JAM2: variants seen among roughly 807,000 people sequenced by gnomAD.
JAM2 encodes the protein junctional adhesion molecule B.
A neutral mutation model predicts 42.0 loss-of-function variants in JAM2; 17 were observed. The observed-to-expected ratio is 0.40, with a 90% CI of 0.28 to 0.61. The LOEUF (loss-of-function observed/expected upper bound fraction) is 0.61. Ranked by LOEUF, JAM2 falls within the 20% of genes least tolerant of loss-of-function variation. The pLI is 0.37. For synonymous variants in JAM2, 118 were observed against 128.6 expected, an observed-to-expected ratio of 0.92 and a Z score of 0.56; for missense variants, 319 against 358.3, an observed-to-expected ratio of 0.89 and a Z score of 0.89.
At chr21:25,656,319 T>C (rs1250422237) in intron 1 of JAM2, among the ~76,000 whole-genome samples, 1 of 152,232 alleles carries the variant, frequency 6.6e-6, no homozygotes, top group Non-Finnish European at 1.5e-5. Context: ...TACCTGCAGA[T>C]ATCTTACATT....
At chr21:25,704,669 T>C (rs1420950173) in intron 6 of JAM2, among the ~76,000 whole-genome samples, 1 of 152,220 alleles carries the variant, frequency 6.6e-6, no homozygotes, top group Non-Finnish European at 1.5e-5. Context: ...AGTATCTAAA[T>C]GGCAGAAGAG....
rs2032365754 is a variant in JAM2, at chr21:25,639,601, C to T, written c.-221C>T. The stretch of plus-strand genomic sequence containing the variant: ...CCCCACACCCCCAAAACAGAACAGA[C>T]CCCCATCCCTGGGCTGGAGGACCCG... On this transcript the variant is annotated 5_prime_UTR_variant, in exon 1 of 10. Transcript: ENST00000480456. 5 of 512,528 alleles carry T rather than the reference C, an allele frequency of 9.8e-6. No individual in the cohort carries two copies. In the East Asian group the frequency reaches 1.4e-4, roughly 14 times the overall value. The allele number at this position is 512,528 out of a possible 1,614,324, so 31.7% of individuals were successfully genotyped here.
At chr21:25,682,577 C>T (rs751578065) in intron 1 of JAM2, among the ~76,000 whole-genome samples, 73 of 152,190 alleles carry the variant, frequency 4.8e-4, no homozygotes, top group Non-Finnish European at 5.4e-4. Flanking sequence ...GTGTGTGTTA[C>T]AATGTGCCCT....
intron 7 of JAM2, among the ~76,000 whole-genome samples, chr21:25,708,915 T>C (rs1377585617): frequency 3.3e-5 from 5 of 152,160 alleles, no homozygotes; most frequent in African/African-American, 1.2e-4. Flanking sequence ...TTCTTGAATA[T>C]ATGTTTAGGA....
chr21:25,708,908 T>C (rs990502532), intron 7 of JAM2, among the ~76,000 whole-genome samples: 2 of 152,184 alleles, frequency 1.3e-5, no homozygotes, highest in African/African-American at 4.8e-5. Context: ...AAGCATATTC[T>C]TGAATATATG....
chr21:25,674,049 C>T (rs1355073381), intron 1 of JAM2, among the ~76,000 whole-genome samples: 1 of 152,220 alleles, frequency 6.6e-6, no homozygotes, highest in Non-Finnish European at 1.5e-5. Context: ...ATTGTGAGGC[C>T]TCCCCAGCCA....
chr21:25,713,417 G>A (rs945519089), intron 9 of JAM2, among the ~76,000 whole-genome samples: 9 of 152,078 alleles, frequency 5.9e-5, no homozygotes, highest in Admixed American at 2.6e-4. Context: ...GATTTTCTCA[G>A]GAATATAGTG....
intron 1 of JAM2, among the ~76,000 whole-genome samples, chr21:25,649,816 C>T (rs2032722139): frequency 6.6e-6 from 1 of 152,188 alleles, no homozygotes; most frequent in African/African-American, 2.4e-5. Flanking sequence ...GTTTACTTGG[C>T]TCCCAGTTCT....
chr21:25,693,223 A>T (rs565480227), intron 3 of JAM2, among the ~76,000 whole-genome samples: 2 of 152,270 alleles, frequency 1.3e-5, no homozygotes, highest in East Asian at 3.9e-4. Flanking sequence ...TATCAAAATG[A>T]AATAAAATAT....
At chr21:25,671,792 A>G (rs2033368572) in intron 1 of JAM2, among the ~76,000 whole-genome samples, 1 of 152,250 alleles carries the variant, frequency 6.6e-6, no homozygotes, top group Non-Finnish European at 1.5e-5. Flanking sequence ...TACAGGCATG[A>G]GCCACTGCGC....
intron 1 of JAM2, among the ~76,000 whole-genome samples, chr21:25,642,794 T>G (rs1470449839): frequency 6.6e-6 from 1 of 152,146 alleles, no homozygotes; most frequent in African/African-American, 2.4e-5. Context: ...TGCCTGTTGA[T>G]TCTATGGTGC....
intron 1 of JAM2, among the ~76,000 whole-genome samples, chr21:25,649,583 C>A (rs929055561): frequency 2.6e-5 from 4 of 152,090 alleles, no homozygotes; most frequent in Non-Finnish European, 4.4e-5. Flanking sequence ...ACAACCAAAC[C>A]GTATTAGCAT....
At chr21:25,686,784 C>A (rs1271686963) in intron 2 of JAM2, among the ~76,000 whole-genome samples, 2 of 152,156 alleles carry the variant, frequency 1.3e-5, no homozygotes, top group African/African-American at 4.8e-5. Flanking sequence ...TTAACTTGAG[C>A]CCTGAGAATG....
chr21:25,639,981 C>A, intron 1 of JAM2, 93 bp downstream of exon 1: 2 of 902,268 alleles, frequency 2.2e-6, no homozygotes, highest in Non-Finnish European at 1.6e-6. Context: ...AGTGTCTGGG[C>A]GGCTCTGGGC....
intron 1 of JAM2, among the ~76,000 whole-genome samples, chr21:25,669,428 C>G (rs1314936491): frequency 6.6e-6 from 1 of 151,220 alleles, no homozygotes; most frequent in African/African-American, 2.4e-5. Flanking sequence ...AAAAGTATAA[C>G]CCTAACAATT....
chr21:25,679,316 C>T (rs1412468651), intron 1 of JAM2, among the ~76,000 whole-genome samples: 1 of 152,186 alleles, frequency 6.6e-6, no homozygotes, highest in Non-Finnish European at 1.5e-5. Flanking sequence ...TGATTTTATA[C>T]AAACTTTTCA....
At chr21:25,647,530 G>T (rs529527229) in intron 1 of JAM2, among the ~76,000 whole-genome samples, 2 of 152,302 alleles carry the variant, frequency 1.3e-5, no homozygotes, top group South Asian at 4.1e-4. Flanking sequence ...CAGTCTACAA[G>T]CAGGACAGAA....
At chr21:25,658,888 C>CAGG (rs1299453704) in intron 1 of JAM2, among the ~76,000 whole-genome samples, 1 of 152,120 alleles carries the variant, frequency 6.6e-6, no homozygotes, top group African/African-American at 2.4e-5. Context: ...TATTCCAAGG[C>CAGG]AGGACTTAGA....
chr21:25,688,485 C>A (rs1220773159), intron 2 of JAM2, among the ~76,000 whole-genome samples: 1 of 152,168 alleles, frequency 6.6e-6, no homozygotes, highest in Non-Finnish European at 1.5e-5. Flanking sequence ...AGGTCACCAC[C>A]CATTCTCCTT....
Sources: allele counts gnomAD v4.1 joint callset (sites outside exome capture counted in the v4.1 genomes callset), GRCh38; gene constraint gnomAD v4.1.1; transcripts MANE v1.5; gene names NCBI Gene and HGNC (gene_info 2026-07-23, HGNC 2026-07-21).